Variants in CADM2 observed in about 807,000 individuals in gnomAD.
CADM2 encodes the protein immunoglobulin superfamily member 4D.
CADM2 carries 12 observed loss-of-function variants against 49.8 expected under a neutral mutation model. The observed-to-expected ratio is 0.24, with a 90% CI of 0.15 to 0.39. The LOEUF (loss-of-function observed/expected upper bound fraction) is 0.39. Ranked by LOEUF, CADM2 falls within the 10% of genes least tolerant of loss-of-function variation. The pLI, the probability that CADM2 is intolerant of heterozygous loss-of-function variation, is 1.00. For synonymous variants in CADM2, 214 were observed against 175.4 expected (o/e 1.22, Z -1.74); for missense variants, 378 against 492.3 (o/e 0.77, Z 2.20).
intron 1 of CADM2, among the ~76,000 whole-genome samples, chr3:85,496,995 C>T (rs1174753227): frequency 3.3e-5 from 5 of 150,294 alleles, no homozygotes; most frequent in South Asian, 2.1e-4. Flanking sequence ...AGGCATGTGC[C>T]GTCATGCCCA....
At chr3:85,965,275 AAAT>A (rs1281168038) in intron 8 of CADM2, among the ~76,000 whole-genome samples, 1 of 147,866 alleles carries the variant, frequency 6.8e-6, no homozygotes, top group African/African-American at 2.5e-5. Flanking sequence ...TTATAAATAT[AAAT>A]AATCATAATA....
At chr3:85,697,797 G>A (rs1478598424) in intron 1 of CADM2, among the ~76,000 whole-genome samples, 2 of 152,098 alleles carry the variant, frequency 1.3e-5, no homozygotes, top group Non-Finnish European at 2.9e-5. Context: ...ACAGATTTAT[G>A]TACATGTATA....
chr3:85,311,605 T>C (rs924699521), intron 1 of CADM2, among the ~76,000 whole-genome samples: 1 of 152,016 alleles, frequency 6.6e-6, no homozygotes, highest in Non-Finnish European at 1.5e-5. Flanking sequence ...CTTGATCTCC[T>C]GATCTCGTGA....
intron 1 of CADM2, among the ~76,000 whole-genome samples, chr3:85,381,608 AG>A: frequency 6.7e-6 from 1 of 150,222 alleles, no homozygotes; most frequent in Non-Finnish European, 1.5e-5. Flanking sequence ...TTTTATTAAA[AG>A]CCACATAGCA....
chr3:86,038,127 T>G (rs1735402764), intron 8 of CADM2, among the ~76,000 whole-genome samples: 1 of 152,176 alleles, frequency 6.6e-6, no homozygotes, highest in Non-Finnish European at 1.5e-5. Context: ...GAATGATAGT[T>G]TCCAGCTTGC....
chr3:85,031,713 G>T (rs1037279879), intron 1 of CADM2, among the ~76,000 whole-genome samples: 1 of 151,784 alleles, frequency 6.6e-6, no homozygotes, highest in Admixed American at 6.6e-5. Flanking sequence ...GTAGATACGG[G>T]GTTTCACAGT....
At chr3:86,014,330 A>C in intron 8 of CADM2, 1 of 1,383,054 alleles carries the variant, frequency 7.2e-7, no homozygotes, top group East Asian at 2.4e-5. Context: ...CCTTTGGGGA[A>C]AATCTCCAGG....
At chr3:85,128,602 G>A (rs573456541) in intron 1 of CADM2, among the ~76,000 whole-genome samples, 5 of 152,210 alleles carry the variant, frequency 3.3e-5, no homozygotes, top group Admixed American at 3.3e-4. Context: ...AAGGTGGAAG[G>A]CATTGTCAAG....
At chr3:85,938,636 A>G (rs1721463867) in intron 7 of CADM2, among the ~76,000 whole-genome samples, 1 of 152,062 alleles carries the variant, frequency 6.6e-6, no homozygotes, top group Non-Finnish European at 1.5e-5. Flanking sequence ...ATCGTTGTCA[A>G]AGTTCTACTC....
chr3:85,203,013 G>T (rs1295579152), intron 1 of CADM2, among the ~76,000 whole-genome samples: 2 of 152,110 alleles, frequency 1.3e-5, no homozygotes, highest in Non-Finnish European at 2.9e-5. Flanking sequence ...TGCCTCTTTA[G>T]AATTGAAGGG....
At chr3:85,297,382 T>G (rs1467627172) in intron 1 of CADM2, among the ~76,000 whole-genome samples, 2 of 152,038 alleles carry the variant, frequency 1.3e-5, no homozygotes, top group Non-Finnish European at 2.9e-5. Flanking sequence ...AGTAAATAGC[T>G]AGAGGTAGAG....
chr3:85,504,781 G>C (rs2040257163), intron 1 of CADM2, among the ~76,000 whole-genome samples: 1 of 152,202 alleles, frequency 6.6e-6, no homozygotes, highest in South Asian at 2.1e-4. Flanking sequence ...GGGGGTGGGA[G>C]GCTCAGGCAT....
intron 3 of CADM2, among the ~76,000 whole-genome samples, chr3:85,809,708 CTTCCTTCCTTCG>C (rs1246385091): frequency 1.8e-4 from 22 of 123,442 alleles, no homozygotes; most frequent in African/African-American, 6.5e-4. Flanking sequence ...TCCTTCCTTC[CTTCCTTCCTTCG>C]TTCCTTCCCT....
intron 1 of CADM2, among the ~76,000 whole-genome samples, chr3:85,215,933 C>T (rs558035497): frequency 2.0e-4 from 30 of 152,208 alleles, no homozygotes; most frequent in Non-Finnish European, 2.5e-4. Flanking sequence ...ACCATGCAGA[C>T]GCTGCTAGAG....
intron 1 of CADM2, among the ~76,000 whole-genome samples, chr3:85,282,297 T>G (rs1211365310): frequency 1.4e-5 from 2 of 144,976 alleles, no homozygotes; most frequent in Admixed American, 7.0e-5. Context: ...AGTCTCACTC[T>G]GTTGCCCAGG....
intron 1 of CADM2, among the ~76,000 whole-genome samples, chr3:85,627,666 G>T (rs892476708): frequency 3.3e-5 from 5 of 151,784 alleles, no homozygotes; most frequent in African/African-American, 1.2e-4. Flanking sequence ...ACATTCTATT[G>T]CTTTAAATTT....
intron 2 of CADM2, among the ~76,000 whole-genome samples, chr3:85,771,667 G>T (rs1016973472): frequency 6.6e-6 from 1 of 152,006 alleles, no homozygotes; most frequent in South Asian, 2.1e-4. Flanking sequence ...GTCTAAAAAG[G>T]GTCTCTCTTT....
At chr3:85,049,179 T>A (rs2035781897) in intron 1 of CADM2, among the ~76,000 whole-genome samples, 1 of 152,104 alleles carries the variant, frequency 6.6e-6, no homozygotes. Flanking sequence ...GTGGGAACAA[T>A]TGCAGTGAAG....
intron 1 of CADM2, among the ~76,000 whole-genome samples, chr3:85,576,969 T>G (rs2107274084): frequency 6.6e-6 from 1 of 152,094 alleles, no homozygotes. Flanking sequence ...GGACAAGATC[T>G]TATTGTTGGC....
Sources: allele counts gnomAD v4.1 joint callset (sites outside exome capture counted in the v4.1 genomes callset), GRCh38; gene constraint gnomAD v4.1.1; transcripts MANE v1.5; gene names NCBI Gene and HGNC (gene_info 2026-07-23, HGNC 2026-07-21).